The following CCDC187 variants were observed in gnomAD, a reference collection of about 807,000 sequenced individuals.
The protein encoded by CCDC187 is coiled-coil domain-containing protein 187.
Under a neutral mutation model 38.0 loss-of-function variants are expected in CCDC187, and 32 were observed. The observed-to-expected ratio is 0.84, with a 90% CI of 0.64 to 1.13. CCDC187 has a LOEUF of 1.13. Among genes scored for constraint, CCDC187 ranks in the 50% most tolerant of loss-of-function variants. The pLI is 0.00. For missense variants in CCDC187, 707 were observed against 786.8 expected (o/e 0.90, Z 1.21); for synonymous variants, 333 against 347.9 (o/e 0.96, Z 0.48).
chr9:136,263,635 G>T lies in CCDC187; in HGVS notation c.3899C>A (p.Ala1300Asp). 1.0e-6 allele frequency: 1 copy of T among 985,482 alleles called. No individual in the cohort carries two copies. The highest frequency in any genetic ancestry group is 1.2e-6 in the Non-Finnish European group (1 of 829,946). The allele number at this position is 985,482 out of a possible 1,614,324, so 61.0% of individuals were successfully genotyped here. A position where few individuals can be genotyped will look rare whatever the true frequency, so the allele number is the denominator to read the frequency against. The stretch of plus-strand genomic sequence containing the variant: ...GAGAGCACCCACCTGCTGCAGCTTG[G>T]CCTGGGCCTGCAGCTCGTGCGCTGG... ...VVPAHELQAQ[A>D]KLQQGSSPKV... The change falls in exon 18 of 26, where the codon GCC becomes GAC. Residue 1300 changes from alanine (A) to aspartate (D), a missense_variant. Coordinates refer to ENST00000638797, the MANE Select transcript of CCDC187 (RefSeq NM_001378188.1).
intron 14 of CCDC187, among the ~76,000 whole-genome samples, chr9:136,270,863 C>T (rs1206609756): frequency 1.3e-5 from 2 of 152,302 alleles, no homozygotes; most frequent in Admixed American, 1.3e-4. Context: ...CCCTTCAGAC[C>T]TGATGCTATA....
chr9:136,304,565 C>CCTCG (rs1831768843), upstream of CCDC187, among the ~76,000 whole-genome samples: 1 of 152,214 alleles, frequency 6.6e-6, no homozygotes, highest in African/African-American at 2.4e-5. Context: ...CCGCTGGCCT[C>CCTCG]CTCGGACCCT....
At position 136,253,611 on chromosome 9, in the gene CCDC187, A is replaced by G; in HGVS notation, c.6217T>C (p.Ser2073Pro). The G allele has an allele frequency of 1.0e-6, 1 of 985,428 alleles. No homozygotes were observed. The highest frequency in any genetic ancestry group is 1.2e-6 in the Non-Finnish European group (1 of 830,024). 61.0% of individuals were successfully genotyped at this position (985,428 alleles called of 1,614,324 possible). A position where few individuals can be genotyped will look rare whatever the true frequency, so the allele number is the denominator to read the frequency against. Residue 2073 changes from serine (S) to proline (P), a missense_variant, in exon 26 of 26, where the codon TCG becomes CCG. Coordinates refer to ENST00000638797, the MANE Select transcript of CCDC187 (RefSeq NM_001378188.1). ...PEGLFPGPQGSAGTQ is the reference protein window; with the variant it reads ...PEGLFPGPQGPAGTQ The stretch of plus-strand genomic sequence containing the variant: ...AGCCCCAACTACTGGGTTCCCGCCG[A>G]CCCCTGGGGCCCAGGAAACAGTCCC...
At chr9:136,297,198 G>A (rs1345319605) in intron 4 of CCDC187, among the ~76,000 whole-genome samples, 7 of 151,528 alleles carry the variant, frequency 4.6e-5, no homozygotes, top group South Asian at 2.1e-4. Context: ...TGTGGGTGCC[G>A]TGAGTTGCGG....
intron 17 of CCDC187, chr9:136,265,603 G>A (rs1202965248): frequency 6.6e-6 from 1 of 152,272 alleles, no homozygotes. Flanking sequence ...GTTCCAAGGA[G>A]GAAACTGAGG....
intron 14 of CCDC187, among the ~76,000 whole-genome samples, chr9:136,269,854 G>A (rs942958164): frequency 6.6e-6 from 1 of 152,116 alleles, no homozygotes; most frequent in Non-Finnish European, 1.5e-5. Context: ...TAACTCTATC[G>A]CATATGTTAA....
intron 10 of CCDC187, 145 bp downstream of exon 10, chr9:136,281,406 C>T (rs965800688): frequency 7.0e-5 from 28 of 398,440 alleles, no homozygotes; most frequent in African/African-American, 4.1e-4. Context: ...CCTTTAATAA[C>T]GAGGCGTGGA....
chr9:136,285,735 G>A (rs1831163585), intron 8 of CCDC187, 129 bp from the exon 9 acceptor site: 1 of 397,414 alleles, frequency 2.5e-6, no homozygotes, highest in Non-Finnish European at 4.4e-6. Context: ...CAGCCTCCCT[G>A]GCCCTCAGGC....
At chr9:136,301,552 T>C (rs1358594897) in intron 2 of CCDC187, among the ~76,000 whole-genome samples, 5 of 151,866 alleles carry the variant, frequency 3.3e-5, no homozygotes, top group African/African-American at 1.2e-4. Context: ...TTTAAAATGG[T>C]TAAGATGGTA....
At chr9:136,270,340 CTT>C (rs1351643867) in intron 14 of CCDC187, among the ~76,000 whole-genome samples, 1 of 152,184 alleles carries the variant, frequency 6.6e-6, no homozygotes, top group African/African-American at 2.4e-5. Flanking sequence ...GGTAAGGAGT[CTT>C]AATCACTGAG....
intron 2 of CCDC187, among the ~76,000 whole-genome samples, chr9:136,302,541 G>A (rs1831711015): frequency 2.0e-5 from 3 of 152,194 alleles, no homozygotes; most frequent in Non-Finnish European, 1.5e-5. Context: ...CAGGGACCAG[G>A]CCCCCTCTTC....
rs1042908527 is a variant in CCDC187, at chr9:136,253,827, C to T, written c.6001G>A (p.Asp2001Asn). Reference protein sequence around the residue: ...VDELLSYGSADLPSSIHREAP... With the variant: ...VDELLSYGSANLPSSIHREAP... ...TCCCTGTGGATGGAGGACGGGAGGT[C>T]GGCACTGCCGTAGGACAGCAACTCG... Residue 2001 changes from aspartate (D) to asparagine (N), a missense_variant, in exon 26 of 26, where the codon GAC becomes AAC. By Grantham distance (23) the Asp-to-Asn change is conservative (BLOSUM62 1). Coordinates refer to ENST00000638797, the MANE Select transcript of CCDC187 (RefSeq NM_001378188.1). 1.3e-5 allele frequency: 13 copies of T among 985,502 alleles called. No homozygotes were observed. Among genetic ancestry groups the T allele is most frequent in the Non-Finnish European group, 1.4e-5 (12 of 829,994 alleles). The allele number at this position is 985,502 out of a possible 1,614,324, so 61.0% of individuals were successfully genotyped here.
chr9:136,265,539 GCTGCA>G (rs773339265), intron 17 of CCDC187: 4 of 152,290 alleles, frequency 2.6e-5, no homozygotes, highest in Non-Finnish European at 5.9e-5. Context: ...GTAAGTGCTG[GCTGCA>G]CTAAACTCTC....
At position 136,257,490 on chromosome 9, in the gene CCDC187, G is replaced by A. The variant is rs1226620452; in HGVS notation, c.4367-649C>T. 6.6e-6 allele frequency among the ~76,000 whole-genome samples: 1 copy of A among 152,132 alleles called. No individual in the cohort carries two copies. Among genetic ancestry groups the A allele is most frequent in the Admixed American group, 6.5e-5 (1 of 15,278 alleles). On this transcript the variant is annotated intron_variant, in intron 22 of 25. Transcript: ENST00000638797. The surrounding 1 kb of genome is among the most constrained non-coding windows in gnomAD (Gnocchi z 4.5). ...CCTCGGTGCCGTCCGACAGACACTG[G>A]TGTGAGGCAGGGGTGGTGCAGAGGG...
At position 136,299,381 on chromosome 9, in the gene CCDC187, C is replaced by A. The variant is rs1011631986; in HGVS notation, c.724+839G>T. 7.2e-3 allele frequency among the ~76,000 whole-genome samples: 1,099 copies of A among 152,328 alleles called. 6 individuals are homozygous for A. The highest frequency in any genetic ancestry group is 0.012 in the Non-Finnish European group (826 of 68,020). The stretch of plus-strand genomic sequence containing the variant: ...CTGGACCCACCCGGCCGGCACTGCA[C>A]CGCTGGGATGGACAGCAACTGTCCC... On this transcript the variant is annotated intron_variant, in intron 3 of 25. Transcript: ENST00000638797.
intron 19 of CCDC187, 88 bp from the exon 20 acceptor site, chr9:136,260,352 C>T (rs1003126223): frequency 7.2e-6 from 7 of 965,936 alleles, no homozygotes; most frequent in Non-Finnish European, 8.6e-6. Context: ...CACCAGCACC[C>T]TCTCCCTGGG....
In CCDC187 at chr9:136,253,954, G is replaced by A; in HGVS notation, c.5874C>T (p.Ser1958=). ...PGRLAPPVAE[S]RAPGPGGNGA... ...CATTCCCACCAGGCCCAGGCGCCCG[G>A]CTCTCAGCTACTGGAGGTGCCAGCC... Residue 1958 remains serine, a synonymous_variant, in exon 26 of 26, where the codon AGC becomes AGT. Coordinates refer to ENST00000638797, the MANE Select transcript of CCDC187 (RefSeq NM_001378188.1). The A allele has an allele frequency of 1.6e-5, 16 of 985,566 alleles. No individual in the cohort carries two copies. Among genetic ancestry groups the A allele is most frequent in the Non-Finnish European group, 1.9e-5 (16 of 830,062 alleles). The allele number at this position is 985,566 out of a possible 1,614,324, so 61.1% of individuals were successfully genotyped here. A position where few individuals can be genotyped will look rare whatever the true frequency, so the allele number is the denominator to read the frequency against.
rs1485750818 is a variant in CCDC187 at position 136,303,155 on chromosome 9, C to T, written c.282G>A (p.Ala94=). 5.0e-6 allele frequency: 2 copies of T among 398,562 alleles called. No homozygotes were observed. Among genetic ancestry groups the T allele is most frequent in the African/African-American group, 2.1e-5 (1 of 48,644 alleles). 24.7% of individuals were successfully genotyped at this position (398,562 alleles called of 1,614,324 possible). The change falls in exon 2 of 26, where the codon GCG becomes GCA. Residue 94 remains alanine, a synonymous_variant. Transcript: ENST00000638797. ...CTGTGGACCACATGGGCAGGCTGCA[C>T]GCCTTCCCCCAGGGTCCTGGTTCCT... is the stretch of plus-strand genomic sequence containing the variant. ...DLKEPGPWGK[A]CSLPMWSTGP...
chr9:136,288,584 A>G (rs1232400738), intron 7 of CCDC187, among the ~76,000 whole-genome samples: 1 of 152,190 alleles, frequency 6.6e-6, no homozygotes, highest in African/African-American at 2.4e-5. Flanking sequence ...AGTGTTTGCC[A>G]CTGGCCTGAA....
Sources: gnomAD v4.1 joint callset for allele counts (sites outside exome capture counted in the v4.1 genomes callset) on GRCh38, gnomAD v4.1.1 for gene constraint, Gnocchi (gnomAD v3.1) non-coding constraint, MANE v1.5 for transcripts, NCBI Gene and HGNC (gene_info 2026-07-23, HGNC 2026-07-21) for gene names.